ANKS1B: variants seen among roughly 807,000 people sequenced by gnomAD.
ANKS1B encodes ankyrin repeat and sterile alpha motif domain containing 1B.
Under a neutral mutation model 148.3 loss-of-function variants are expected in ANKS1B, and 36 were observed. The ratio of observed to expected loss-of-function variants is 0.24; its 90% CI spans 0.19 to 0.32. ANKS1B has a LOEUF of 0.32. ANKS1B is among the 10% of genes least tolerant of loss of function. The probability of loss-of-function intolerance (pLI) is 1.00; values close to 1 mark genes in which losing one functional copy is unlikely to be tolerated. For synonymous variants in ANKS1B, 542 were observed against 560.8 expected (o/e 0.97, Z 0.47); for missense variants, 1,157 against 1,542.6 (o/e 0.75, Z 4.19).
chr12:99,323,595 T>C (rs918544989), intron 12 of ANKS1B, among the ~76,000 whole-genome samples: 16 of 152,246 alleles, frequency 1.1e-4, no homozygotes, highest in Admixed American at 2.0e-4. Context: ...TTTTTTAACC[T>C]TTAATGACTA....
chr12:99,637,738 T>C (rs1284021545), intron 9 of ANKS1B, among the ~76,000 whole-genome samples: 1 of 151,348 alleles, frequency 6.6e-6, no homozygotes, highest in East Asian at 1.9e-4. Context: ...TTGCAGCCTA[T>C]TGTGGGGCCT....
At chr12:99,603,351 G>A (rs1008785121) in intron 9 of ANKS1B, among the ~76,000 whole-genome samples, 1 of 152,010 alleles carries the variant, frequency 6.6e-6, no homozygotes, top group Non-Finnish European at 1.5e-5. Flanking sequence ...CTGCTCAAGG[G>A]GTCCAAAATA....
chr12:99,209,227 C>A (rs1175016816), intron 14 of ANKS1B, among the ~76,000 whole-genome samples: 1 of 152,108 alleles, frequency 6.6e-6, no homozygotes, highest in Non-Finnish European at 1.5e-5. Flanking sequence ...TCGGAAAGAG[C>A]CCAAGTGGTC....
chr12:99,237,051 A>G (rs1216364923), intron 14 of ANKS1B, among the ~76,000 whole-genome samples: 2 of 152,228 alleles, frequency 1.3e-5, no homozygotes, highest in Non-Finnish European at 2.9e-5. Context: ...TCCATGATAC[A>G]AGTTTACCTA....
chr12:99,491,561 C>T (rs114860883), intron 10 of ANKS1B, among the ~76,000 whole-genome samples: 216 of 152,056 alleles, frequency 1.4e-3, no homozygotes, highest in African/African-American at 4.7e-3. Flanking sequence ...ACAAGTAGGC[C>T]CCAGGGTCTG....
intron 8 of ANKS1B, among the ~76,000 whole-genome samples, chr12:99,761,236 G>GACAC (rs147419547): frequency 0.012 from 1,842 of 149,334 alleles, 21 homozygotes; most frequent in African/African-American, 0.023. Flanking sequence ...ACCTGGCAAA[G>GACAC]ACACACACAC....
At chr12:99,409,037 C>T (rs2094600849) in intron 11 of ANKS1B, among the ~76,000 whole-genome samples, 1 of 152,076 alleles carries the variant, frequency 6.6e-6, no homozygotes, top group South Asian at 2.1e-4. Flanking sequence ...GAAAACATAG[C>T]TCATTCTCTC....
At chr12:99,663,435 T>G (rs1034946167) in intron 8 of ANKS1B, among the ~76,000 whole-genome samples, 7 of 152,098 alleles carry the variant, frequency 4.6e-5, no homozygotes, top group African/African-American at 1.7e-4. Context: ...AAAATTACCT[T>G]GCAAGGCTAC....
intron 9 of ANKS1B, among the ~76,000 whole-genome samples, chr12:99,565,652 A>G (rs1186059031): frequency 6.6e-6 from 1 of 152,094 alleles, no homozygotes; most frequent in Non-Finnish European, 1.5e-5. Context: ...CATGAAAGGT[A>G]ACACATGTTT....
At chr12:98,868,873 C>A (rs1336286657) in intron 17 of ANKS1B, among the ~76,000 whole-genome samples, 1 of 152,190 alleles carries the variant, frequency 6.6e-6, no homozygotes, top group Admixed American at 6.5e-5. Context: ...TACTCAGTAC[C>A]TTTTCTGTTT....
intron 17 of ANKS1B, among the ~76,000 whole-genome samples, chr12:98,862,343 T>C (rs942311229): frequency 3.9e-5 from 6 of 152,102 alleles, no homozygotes; most frequent in African/African-American, 1.2e-4. Flanking sequence ...ATCTATAAAA[T>C]GGGAACAGTA....
At chr12:99,623,622 G>A (rs1358555408) in intron 9 of ANKS1B, among the ~76,000 whole-genome samples, 1 of 151,776 alleles carries the variant, frequency 6.6e-6, no homozygotes, top group African/African-American at 2.4e-5. Context: ...GCTCTTATCT[G>A]AGAGCCATAT....
At chr12:99,013,139 A>G (rs2099940425) in intron 17 of ANKS1B, among the ~76,000 whole-genome samples, 1 of 152,178 alleles carries the variant, frequency 6.6e-6, no homozygotes, top group Non-Finnish European at 1.5e-5. Flanking sequence ...AATTAGCCTA[A>G]CTCTAAGCCT....
At chr12:99,381,750 G>A (rs184381170) in intron 12 of ANKS1B, among the ~76,000 whole-genome samples, 156 of 152,270 alleles carry the variant, frequency 1.0e-3, no homozygotes, top group African/African-American at 3.4e-3. Context: ...TGTGAAAGGT[G>A]GAAAACCGAC....
At chr12:99,225,300 A>G (rs967826851) in intron 14 of ANKS1B, among the ~76,000 whole-genome samples, 1 of 152,024 alleles carries the variant, frequency 6.6e-6, no homozygotes, top group Non-Finnish European at 1.5e-5. Flanking sequence ...TATCAATATA[A>G]TATTATATAA....
At chr12:98,959,774 C>T (rs1026725517) in intron 17 of ANKS1B, among the ~76,000 whole-genome samples, 3 of 152,146 alleles carry the variant, frequency 2.0e-5, no homozygotes, top group African/African-American at 7.2e-5. Context: ...GAGTCCCAGT[C>T]CTGCCAGCAT....
At chr12:99,786,475 G>A (rs2065020394) in intron 4 of ANKS1B, among the ~76,000 whole-genome samples, 1 of 152,106 alleles carries the variant, frequency 6.6e-6, no homozygotes, top group African/African-American at 2.4e-5. Context: ...AACTTCTAAA[G>A]AACATCCTCA....
chr12:98,981,634 C>T (rs1044916799), intron 17 of ANKS1B, among the ~76,000 whole-genome samples: 1 of 152,232 alleles, frequency 6.6e-6, no homozygotes, highest in Non-Finnish European at 1.5e-5. Flanking sequence ...CTGTGCCCAG[C>T]ATATTGTTCA....
chr12:98,800,887 T>A, intron 21 of ANKS1B, 110 bp downstream of exon 21: 1 of 1,302,334 alleles, frequency 7.7e-7, no homozygotes, highest in Non-Finnish European at 1.0e-6. Flanking sequence ...TTTAAAAATT[T>A]CAGTGATGGA....
Sources: gnomAD v4.1 joint callset for allele counts (sites outside exome capture counted in the v4.1 genomes callset) on GRCh38, gnomAD v4.1.1 for gene constraint, MANE v1.5 for transcripts, NCBI Gene and HGNC (gene_info 2026-07-23, HGNC 2026-07-21) for gene names.